The following ABLIM2 variants were observed in gnomAD, a reference collection of about 807,000 sequenced individuals.
ABLIM2 encodes the protein actin binding LIM protein family member 2.
A neutral mutation model predicts 97.7 loss-of-function variants in ABLIM2; 53 were observed. That is an observed-to-expected ratio of 0.54 (90% CI 0.44 to 0.68). The LOEUF (loss-of-function observed/expected upper bound fraction) is 0.68. ABLIM2 is among the 30% of genes least tolerant of loss of function. The pLI is 0.00. For synonymous variants in ABLIM2, 361 were observed against 345.8 expected (o/e 1.04, Z -0.49); for missense variants, 835 against 867.2 (o/e 0.96, Z 0.47).
chr4:7,974,416 A>ACCCACCCATCCACCC (rs1731130106), intron 20 of ABLIM2, among the ~76,000 whole-genome samples: 2 of 44,236 alleles, frequency 4.5e-5, no homozygotes, highest in African/African-American at 8.1e-5. Flanking sequence ...TCCATCCACC[A>ACCCACCCATCCACCC]ATCCATCCAC....
rs377157015 is a variant in ABLIM2 at position 8,095,356 on chromosome 4, G to A, written c.338+1743C>T. On this transcript the variant is annotated intron_variant, in intron 3 of 20. Transcript: ENST00000447017. This position sits in a 1 kb window ranked among gnomAD's most constrained non-coding sequence, Gnocchi z 4.7. ...CAGCCTCAAGTGATCCTCGCACCTC[G>A]GCCTCCCAAAGTGGAGGGATTATAG... 2.6e-5 allele frequency among the ~76,000 whole-genome samples: 4 copies of A among 152,044 alleles called. No homozygotes were observed. Among genetic ancestry groups the A allele is most frequent in the South Asian group, 2.1e-4 (1 of 4,832 alleles).
rs1023631260 is a variant in ABLIM2 at position 8,002,248 on chromosome 4, A to G, written c.1618+5811T>C. Among the ~76,000 whole-genome samples, 1 of 152,098 alleles carries G rather than the reference A, an allele frequency of 6.6e-6. No homozygotes were observed. The highest frequency in any genetic ancestry group is 1.9e-4 in the East Asian group (1 of 5,170). On this transcript the variant is annotated intron_variant, in intron 16 of 20. Coordinates refer to ENST00000447017, the MANE Select transcript of ABLIM2 (RefSeq NM_001130083.2). This position sits in a 1 kb window ranked among gnomAD's most constrained non-coding sequence, Gnocchi z 6.1. ...GACGTCTCAGGCTCTCCAAGCCAAC[A>G]TGAAGACACCCACCTGTTCTCATCC...
Position 8,076,415 on chromosome 4 carries a change from C to T in ABLIM2, c.675+1213G>A, listed in dbSNP as rs1391673768. Among the ~76,000 whole-genome samples the T allele has an allele frequency of 2.6e-5, 4 of 152,176 alleles. No individual in the cohort carries two copies. In the East Asian group the frequency reaches 7.7e-4, roughly 29 times the overall value. ...AAGGGTACACCCCATTCCACCCTCT[C>T]CAGACTGGCCTCTGCGGCAGCCAGT... On this transcript the variant is annotated intron_variant, in intron 6 of 20. Transcript: ENST00000447017.
chr4:8,134,123 G>T (rs888187366), intron 1 of ABLIM2, among the ~76,000 whole-genome samples: 4 of 152,214 alleles, frequency 2.6e-5, no homozygotes, highest in African/African-American at 7.2e-5. Flanking sequence ...GCTGAAGAGG[G>T]GATGGAGGTA....
chr4:8,051,776 C>T (rs189805398), intron 8 of ABLIM2, among the ~76,000 whole-genome samples: 1 of 152,278 alleles, frequency 6.6e-6, no homozygotes, highest in African/African-American at 2.4e-5. Flanking sequence ...GCACCATGGC[C>T]ACCCCCACAT....
chr4:8,151,437 C>T (rs899100019), intron 1 of ABLIM2, among the ~76,000 whole-genome samples: 27 of 152,312 alleles, frequency 1.8e-4, no homozygotes, highest in Middle Eastern at 3.4e-3. Context: ...CCTCCTAGCT[C>T]GAGCTCCAGG....
Position 8,020,314 on chromosome 4 carries a change from AAGGGCAAAGGC to A in ABLIM2, c.1268-22_1268-12del. ...GGCCACTTTCACTGCCTCCAGACGG[AAGGGCAAAGGC>A]AGCAGATAGAAGGGGAAACGGGAAA... On this transcript the variant is annotated splice_polypyrimidine_tract_variant and intron_variant, in intron 12 of 20. Transcript: ENST00000447017. The A allele has an allele frequency of 3.1e-6, 5 of 1,610,350 alleles. No individual in the cohort carries two copies. The highest frequency in any genetic ancestry group is 4.2e-6 in the Non-Finnish European group (5 of 1,177,022).
At chr4:8,012,762 C>G (rs963783594) in intron 14 of ABLIM2, among the ~76,000 whole-genome samples, 1 of 152,104 alleles carries the variant, frequency 6.6e-6, no homozygotes, top group African/African-American at 2.4e-5. Flanking sequence ...ATCCATCCAT[C>G]CACCCACTCA....
rs1202213557 is a variant in ABLIM2 at position 8,128,259 on chromosome 4, C to T, written c.11-21622G>A. Reference sequence around the variant, plus strand: ...TGCATTTGGGGTCCGCCCTCATCCACAATGACCTCATCTCCATCTTTACCA... The same window carrying T: ...TGCATTTGGGGTCCGCCCTCATCCATAATGACCTCATCTCCATCTTTACCA... On this transcript the variant is annotated intron_variant, in intron 1 of 20. Transcript: ENST00000447017. The surrounding 1 kb of genome is among the most constrained non-coding windows in gnomAD (Gnocchi z 4.9). Among the ~76,000 whole-genome samples, 1 of 152,192 alleles carries T rather than the reference C, an allele frequency of 6.6e-6. No individual in the cohort carries two copies. Among genetic ancestry groups the T allele is most frequent in the East Asian group, 1.9e-4 (1 of 5,190 alleles).
intron 1 of ABLIM2, among the ~76,000 whole-genome samples, chr4:8,141,454 G>A (rs1850975410): frequency 6.6e-6 from 1 of 152,214 alleles, no homozygotes; most frequent in Non-Finnish European, 1.5e-5. Context: ...CCCAGGGAAT[G>A]ATCTTTGCCA....
chr4:7,976,858 C>T lies in ABLIM2; in HGVS notation c.1824+6406G>A, dbSNP rs556282680. 7.9e-5 allele frequency among the ~76,000 whole-genome samples: 12 copies of T among 152,032 alleles called. No individual in the cohort carries two copies. In the South Asian group the frequency reaches 2.5e-3, roughly 32 times the overall value. Reference sequence around the variant, plus strand: ...ACATGCACACACATATACACACATACACGTATACATACATAAACATACACA... The same window carrying T: ...ACATGCACACACATATACACACATATACGTATACATACATAAACATACACA... On this transcript the variant is annotated intron_variant, in intron 20 of 20. Coordinates refer to ENST00000447017, the MANE Select transcript of ABLIM2 (RefSeq NM_001130083.2).
chr4:7,979,798 G>A (rs1319782910), intron 20 of ABLIM2, among the ~76,000 whole-genome samples: 1 of 152,196 alleles, frequency 6.6e-6, no homozygotes, highest in Non-Finnish European at 1.5e-5. Context: ...GCTGAGCCTG[G>A]CCAATTAGGG....
intron 6 of ABLIM2, among the ~76,000 whole-genome samples, chr4:8,070,224 CTG>C (rs911137967): frequency 1.4e-5 from 2 of 147,738 alleles, no homozygotes; most frequent in African/African-American, 2.5e-5. Flanking sequence ...CCGCGTGTGT[CTG>C]TGTTTTGTCC....
chr4:8,033,467 T>G lies in ABLIM2; in HGVS notation c.1047+2682A>C, dbSNP rs1176696758. Among the ~76,000 whole-genome samples, 7 of 152,200 alleles carry G rather than the reference T, an allele frequency of 4.6e-5. No homozygotes were observed. Among genetic ancestry groups the G allele is most frequent in the Non-Finnish European group, 1.0e-4 (7 of 68,034 alleles). ...GGAATCAAGGGAGAAACCCTCAGGCTGCTCCCGGCCATCGGCATAGAGGAA... is the reference window on the plus strand; with the variant it reads ...GGAATCAAGGGAGAAACCCTCAGGCGGCTCCCGGCCATCGGCATAGAGGAA... On this transcript the variant is annotated intron_variant, in intron 10 of 20. Transcript: ENST00000447017. This position sits in a 1 kb window ranked among gnomAD's most constrained non-coding sequence, Gnocchi z 4.5.
rs1199835978 is a variant in ABLIM2 at position 7,998,299 on chromosome 4, T to C, written c.1619-5372A>G. Reference sequence around the variant, plus strand: ...TATTATGTTAGAAGACTGATCTTGTTAAGTGTTAAATCCTCTATTTGAGCA... The same window carrying C: ...TATTATGTTAGAAGACTGATCTTGTCAAGTGTTAAATCCTCTATTTGAGCA... On this transcript the variant is annotated intron_variant, in intron 16 of 20. Transcript: ENST00000447017. This position sits in a 1 kb window ranked among gnomAD's most constrained non-coding sequence, Gnocchi z 6.4. Among the ~76,000 whole-genome samples the C allele has an allele frequency of 6.6e-6, 1 of 152,196 alleles. No individual in the cohort carries two copies. The highest frequency in any genetic ancestry group is 6.5e-5 in the Admixed American group (1 of 15,280).
rs1025914839 is a variant in ABLIM2 at position 8,085,920 on chromosome 4, C to A, written c.454+2249G>T. 1.7e-4 allele frequency among the ~76,000 whole-genome samples: 21 copies of A among 124,028 alleles called. No homozygotes were observed. Among genetic ancestry groups the A allele is most frequent in the Non-Finnish European group, 3.3e-4 (20 of 60,232 alleles). 81.4% of individuals were successfully genotyped at this position (124,028 alleles called of 152,430 possible). A position where few individuals can be genotyped will look rare whatever the true frequency, so the allele number is the denominator to read the frequency against. On this transcript the variant is annotated intron_variant, in intron 4 of 20. Transcript: ENST00000447017. This position sits in a 1 kb window ranked among gnomAD's most constrained non-coding sequence, Gnocchi z 6.1. Reference sequence around the variant, plus strand: ...AGTTGAAAGGCCTTGGCCCACCCCTCGGCACTTCCGCCCCCTGATGGACAG... The same window carrying A: ...AGTTGAAAGGCCTTGGCCCACCCCTAGGCACTTCCGCCCCCTGATGGACAG...
At chr4:7,972,140 G>C (rs1041443598) in intron 20 of ABLIM2, among the ~76,000 whole-genome samples, 1 of 152,186 alleles carries the variant, frequency 6.6e-6, no homozygotes, top group Non-Finnish European at 1.5e-5. Context: ...CTCCAGGAGA[G>C]CCTTCCCTCC....
rs868574128 is a variant in ABLIM2 at position 8,022,789 on chromosome 4, C to T, written c.1268-2486G>A. The T allele has an allele frequency of 6.6e-6, 1 of 152,456 alleles. No homozygotes were observed. Among genetic ancestry groups the T allele is most frequent in the African/African-American group, 2.4e-5 (1 of 41,470 alleles). 9.4% of individuals were successfully genotyped at this position (152,456 alleles called of 1,614,324 possible). Reference sequence around the variant, plus strand: ...CTGGAGCACTGTGCTGCTAGGCTCACATCCCAGGGGGCTTCTGATATGCTA... The same window carrying T: ...CTGGAGCACTGTGCTGCTAGGCTCATATCCCAGGGGGCTTCTGATATGCTA... On this transcript the variant is annotated intron_variant, in intron 12 of 20. Coordinates refer to ENST00000447017, the MANE Select transcript of ABLIM2 (RefSeq NM_001130083.2). The surrounding 1 kb of genome is among the most constrained non-coding windows in gnomAD (Gnocchi z 7.8).
chr4:8,059,626 G>A (rs1399635594), intron 7 of ABLIM2, among the ~76,000 whole-genome samples: 3 of 152,104 alleles, frequency 2.0e-5, no homozygotes, highest in African/African-American at 7.2e-5. Flanking sequence ...GATGGCCGGG[G>A]CATGGTGGAT....
Sources: allele counts gnomAD v4.1 joint callset (sites outside exome capture counted in the v4.1 genomes callset), GRCh38; gene constraint gnomAD v4.1.1; non-coding constraint Gnocchi (gnomAD v3.1); transcripts MANE v1.5; gene names NCBI Gene and HGNC (gene_info 2026-07-23, HGNC 2026-07-21).